Variants in DENND1B observed in about 807,000 individuals in gnomAD.
DENND1B encodes DENN domain containing 1B.
Under a neutral mutation model 90.1 loss-of-function variants are expected in DENND1B, and 59 were observed. The ratio of observed to expected loss-of-function variants is 0.65; its 90% CI spans 0.53 to 0.81. The LOEUF (loss-of-function observed/expected upper bound fraction) is 0.81. DENND1B is among the 40% of genes least tolerant of loss of function. DENND1B has a pLI of 0.00. For missense variants in DENND1B, 862 were observed against 912.6 expected, an observed-to-expected ratio of 0.94 and a Z score of 0.71; for synonymous variants, 337 against 324.6, an observed-to-expected ratio of 1.04 and a Z score of -0.41.
At chr1:197,563,437 AAAT>A (rs1462475437) in intron 15 of DENND1B, among the ~76,000 whole-genome samples, 3 of 151,952 alleles carry the variant, frequency 2.0e-5, no homozygotes, top group Admixed American at 2.0e-4. Context: ...TGTGCTCTAT[AAAT>A]AATACAAAGC....
chr1:197,601,219 T>G (rs1423971937), intron 13 of DENND1B, among the ~76,000 whole-genome samples: 1 of 141,106 alleles, frequency 7.1e-6, no homozygotes, highest in Non-Finnish European at 1.5e-5. Context: ...GTGTACATAG[T>G]AGATACTTGA....
chr1:197,739,937 A>G (rs1166797667), intron 2 of DENND1B, among the ~76,000 whole-genome samples: 15 of 152,252 alleles, frequency 9.9e-5, no homozygotes, highest in Admixed American at 9.2e-4. Flanking sequence ...GTAATGTGCT[A>G]AGATATTCTT....
intron 3 of DENND1B, among the ~76,000 whole-genome samples, chr1:197,691,334 G>A (rs927679583): frequency 1.3e-5 from 2 of 150,074 alleles, no homozygotes; most frequent in Non-Finnish European, 3.0e-5. Flanking sequence ...GAAGTCATAC[G>A]AATGGCTAAG....
intron 17 of DENND1B, among the ~76,000 whole-genome samples, chr1:197,546,481 C>A (rs1472238604): frequency 6.6e-6 from 1 of 152,080 alleles, no homozygotes; most frequent in Non-Finnish European, 1.5e-5. Flanking sequence ...ATAAGAAAAA[C>A]AACATTTGGC....
intron 5 of DENND1B, 92 bp from the exon 6 acceptor site, chr1:197,658,461 G>A: frequency 1.1e-6 from 1 of 883,568 alleles, no homozygotes. Context: ...ATTCAAACAG[G>A]TTAATCCTGG....
In DENND1B at chr1:197,740,295, C is replaced by T. The variant is rs369666793; in HGVS notation, c.83-25221G>A. 9.2e-5 allele frequency among the ~76,000 whole-genome samples: 14 copies of T among 152,006 alleles called. 1 individual carries two copies. Among genetic ancestry groups the T allele is most frequent in the Admixed American group, 8.5e-4 (13 of 15,258 alleles). On this transcript the variant is annotated intron_variant, in intron 2 of 22. Transcript: ENST00000620048. ...GCCAGTGTGGCTGCAGTTAAGAGAG[C>T]AAGGGAGAAAAGTGGGAAAGGATGA... is the stretch of plus-strand genomic sequence containing the variant.
intron 20 of DENND1B, among the ~76,000 whole-genome samples, chr1:197,534,953 A>T (rs1284055240): frequency 1.3e-5 from 2 of 152,182 alleles, no homozygotes; most frequent in African/African-American, 2.4e-5. Context: ...CTTCCATAAC[A>T]TACTGTATCA....
At chr1:197,729,938 C>T (rs1254255211) in intron 2 of DENND1B, among the ~76,000 whole-genome samples, 2 of 152,056 alleles carry the variant, frequency 1.3e-5, no homozygotes, top group South Asian at 2.1e-4. Flanking sequence ...CTACCATATA[C>T]TTGTGAGAAA....
At chr1:197,611,693 A>T (rs1349172984) in intron 12 of DENND1B, among the ~76,000 whole-genome samples, 2 of 150,704 alleles carry the variant, frequency 1.3e-5, no homozygotes, top group African/African-American at 4.9e-5. Context: ...TTACCATATG[A>T]TTTCTACCAA....
At position 197,551,525 on chromosome 1, in the gene DENND1B, C is replaced by T. The variant is rs186502713; in HGVS notation, c.1240+1497G>A. Among the ~76,000 whole-genome samples the T allele has an allele frequency of 2.4e-3, 369 of 152,118 alleles. 7 individuals carry two copies. The highest frequency in any genetic ancestry group is 6.2e-4 in the South Asian group (3 of 4,820). ...ATCTTTTTTAAACAATAAGGCTTTT[C>T]GTGAAAAATTTTAGTGGGCCCTCCC... On this transcript the variant is annotated intron_variant, in intron 16 of 22. Coordinates refer to ENST00000620048, the MANE Select transcript of DENND1B (RefSeq NM_001195215.2).
At chr1:197,730,531 G>T (rs1335026274) in intron 2 of DENND1B, among the ~76,000 whole-genome samples, 1 of 152,122 alleles carries the variant, frequency 6.6e-6, no homozygotes, top group Non-Finnish European at 1.5e-5. Context: ...CAAATAAGGT[G>T]TGTCAGGGGG....
At chr1:197,702,690 C>T (rs16841893) in intron 3 of DENND1B, among the ~76,000 whole-genome samples, 5,090 of 152,230 alleles carry the variant, frequency 0.033, 294 homozygotes, top group African/African-American at 0.11. Context: ...AATGTGTTCA[C>T]TTTTCCTATT....
At chr1:197,650,178 G>T (rs1652970579) in intron 7 of DENND1B, among the ~76,000 whole-genome samples, 1 of 152,088 alleles carries the variant, frequency 6.6e-6, no homozygotes, top group Admixed American at 6.5e-5. Flanking sequence ...TGCAAGAATG[G>T]CCATAATCAA....
intron 2 of DENND1B, among the ~76,000 whole-genome samples, chr1:197,728,675 A>C (rs1412209090): frequency 6.6e-6 from 1 of 152,082 alleles, no homozygotes; most frequent in Non-Finnish European, 1.5e-5. Flanking sequence ...TTATTGCCTA[A>C]TTAGTCTTCT....
chr1:197,683,817 T>A (rs1656943052), intron 3 of DENND1B, among the ~76,000 whole-genome samples: 1 of 152,206 alleles, frequency 6.6e-6, no homozygotes, highest in Admixed American at 6.5e-5. Context: ...TTTTAATGTG[T>A]TCAACCACTT....
intron 15 of DENND1B, among the ~76,000 whole-genome samples, chr1:197,561,972 C>G (rs563949731): frequency 1.3e-5 from 2 of 151,850 alleles, no homozygotes; most frequent in South Asian, 4.1e-4. Context: ...TTCTTTCTCT[C>G]TGTTTCCACT....
rs139090864 is a variant in DENND1B, at chr1:197,750,404, AG to A, written c.82+22463del. ...GAAAAATACATTAATCTAGAAGAGA[AG>A]GAAGCAAAAAGGTAACAACAATCCA... On this transcript the variant is annotated intron_variant, in intron 2 of 22. Transcript: ENST00000620048. 2.5e-3 allele frequency among the ~76,000 whole-genome samples: 383 copies of A among 152,316 alleles called. 6 individuals carry two copies. The highest frequency in any genetic ancestry group is 8.8e-3 in the African/African-American group (364 of 41,572).
At chr1:197,704,419 C>G (rs1266866615) in intron 3 of DENND1B, among the ~76,000 whole-genome samples, 1 of 152,100 alleles carries the variant, frequency 6.6e-6, no homozygotes, top group Non-Finnish European at 1.5e-5. Context: ...CTAGTTTCTA[C>G]CAAAACCAAT....
intron 2 of DENND1B, among the ~76,000 whole-genome samples, chr1:197,724,831 G>T (rs908362562): frequency 2.6e-5 from 4 of 152,002 alleles, no homozygotes; most frequent in Admixed American, 2.6e-4. Flanking sequence ...GAAATTAAAA[G>T]CTCAATGAAT....
Sources: gnomAD v4.1 joint callset for allele counts (sites outside exome capture counted in the v4.1 genomes callset) on GRCh38, gnomAD v4.1.1 for gene constraint, MANE v1.5 for transcripts, NCBI Gene and HGNC (gene_info 2026-07-23, HGNC 2026-07-21) for gene names.